DPYSL3: variants seen among roughly 807,000 people sequenced by gnomAD.
DPYSL3 encodes the protein dihydropyrimidinase like 3.
In DPYSL3, 16 loss-of-function variants were observed where a neutral mutation model predicts 66.1. The ratio of observed to expected loss-of-function variants is 0.24; its 90% CI spans 0.16 to 0.37. The LOEUF is 0.37. Ranked by LOEUF, DPYSL3 falls within the 10% of genes least tolerant of loss-of-function variation. The pLI is 1.00. For missense variants in DPYSL3, 738 were observed against 916.2 expected (o/e 0.81, Z 2.51); for synonymous variants, 338 against 345.1 (o/e 0.98, Z 0.23).
At chr5:147,418,670 G>T (rs566333412) in intron 2 of DPYSL3, 39 bp from the exon 3 acceptor site, 4 of 1,523,900 alleles carry the variant, frequency 2.6e-6, no homozygotes, top group Non-Finnish European at 3.5e-6. Context: ...TCAAACACTT[G>T]GTCATTTAAA....
At chr5:147,452,654 C>T (rs895557799) in intron 1 of DPYSL3, among the ~76,000 whole-genome samples, 1 of 152,138 alleles carries the variant, frequency 6.6e-6, no homozygotes, top group African/African-American at 2.4e-5. Context: ...GGTGAAGACG[C>T]GGCTTCTGTA....
At chr5:147,469,556 A>C (rs1753055610) in intron 1 of DPYSL3, among the ~76,000 whole-genome samples, 1 of 152,234 alleles carries the variant, frequency 6.6e-6, no homozygotes, top group Admixed American at 6.5e-5. Context: ...TAATCAGATT[A>C]ATTAAAATAT....
intron 1 of DPYSL3, among the ~76,000 whole-genome samples, chr5:147,430,735 C>A (rs1441769313): frequency 6.6e-6 from 1 of 152,072 alleles, no homozygotes. Context: ...TTTTCCTCCC[C>A]TAGTCTTCAA....
At chr5:147,460,057 G>GC (rs1752910007) in intron 1 of DPYSL3, among the ~76,000 whole-genome samples, 1 of 151,936 alleles carries the variant, frequency 6.6e-6, no homozygotes, top group Non-Finnish European at 1.5e-5. Flanking sequence ...CTTACAGTGA[G>GC]CCAGGATCGA....
At chr5:147,409,558 G>T (rs1198985385) in intron 6 of DPYSL3, among the ~76,000 whole-genome samples, 1 of 152,220 alleles carries the variant, frequency 6.6e-6, no homozygotes, top group Non-Finnish European at 1.5e-5. Context: ...CAGAAGAAGT[G>T]CATGTCCCTT....
chr5:147,453,086 G>C (rs2126398052), intron 1 of DPYSL3, among the ~76,000 whole-genome samples: 1 of 152,178 alleles, frequency 6.6e-6, no homozygotes, highest in East Asian at 1.9e-4. Context: ...CAGAGCCGTG[G>C]GGCTGGAGCT....
At chr5:147,489,561 C>T (rs373032823) in intron 1 of DPYSL3, among the ~76,000 whole-genome samples, 1 of 152,254 alleles carries the variant, frequency 6.6e-6, no homozygotes, top group East Asian at 1.9e-4. Context: ...AAAATAAGTA[C>T]TCCATAAATG....
At chr5:147,460,264 TACTATAG>T (rs1752913941) in intron 1 of DPYSL3, among the ~76,000 whole-genome samples, 1 of 152,190 alleles carries the variant, frequency 6.6e-6, no homozygotes, top group Non-Finnish European at 1.5e-5. Context: ...TGGGGAGAGA[TACTATAG>T]TCTGATGAAC....
rs1758308584 is a variant in DPYSL3 at position 147,405,683 on chromosome 5, G to T, written c.1080C>A (p.Thr360=). The T allele has an allele frequency of 2.5e-6, 4 of 1,614,098 alleles. No individual in the cohort carries two copies. Among genetic ancestry groups the T allele is most frequent in the Non-Finnish European group, 3.4e-6 (4 of 1,179,990 alleles). ...VFRAITIASQ[T]NCPLYVTKVM... ...CCTTTGTGACGTAGAGAGGGCAATTGGTTTGGCTGGCAATGGTGATGGCAC... is the reference window on the plus strand; with the variant it reads ...CCTTTGTGACGTAGAGAGGGCAATTTGTTTGGCTGGCAATGGTGATGGCAC... Residue 360 remains threonine (T), a synonymous_variant, in exon 8 of 14, where the codon ACC becomes ACA. Transcript: ENST00000343218.
rs1757806889 is a variant in DPYSL3 at position 147,391,613 on chromosome 5, T to C, written c.*2422A>G. ...ATTCGAAGAGGGCCGGGACTCACCA[T>C]TGTTTTCTTTTCCTAAACCTTTTGT... On this transcript the variant is annotated 3_prime_UTR_variant, in exon 14 of 14. Coordinates refer to ENST00000343218, the MANE Select transcript of DPYSL3 (RefSeq NM_001197294.2). 6.6e-6 allele frequency: 1 copy of C among 152,240 alleles called. No individual in the cohort carries two copies. The highest frequency in any genetic ancestry group is 2.4e-5 in the African/African-American group (1 of 41,458). 9.4% of individuals were successfully genotyped at this position (152,240 alleles called of 1,614,324 possible). A position where few individuals can be genotyped will look rare whatever the true frequency, so the allele number is the denominator to read the frequency against.
chr5:147,456,659 C>A (rs368749652), intron 1 of DPYSL3, among the ~76,000 whole-genome samples: 1 of 139,522 alleles, frequency 7.2e-6, no homozygotes, highest in Non-Finnish European at 1.5e-5. Context: ...GGGGTGATCT[C>A]GGCTCACAGC....
At chr5:147,502,758 A>T (rs146096266) in intron 1 of DPYSL3, among the ~76,000 whole-genome samples, 1,745 of 151,938 alleles carry the variant, frequency 0.011, 67 homozygotes, top group East Asian at 0.09. Flanking sequence ...TTGTATTTTT[A>T]GTAGAGACGA....
chr5:147,479,200 A>C (rs1753202914), intron 1 of DPYSL3, among the ~76,000 whole-genome samples: 1 of 152,222 alleles, frequency 6.6e-6, no homozygotes, highest in South Asian at 2.1e-4. Flanking sequence ...TATGATACAC[A>C]TACAATTACT....
intron 13 of DPYSL3, 85 bp downstream of exon 13, chr5:147,395,474 A>G (rs1021958960): frequency 8.7e-6 from 13 of 1,497,420 alleles, no homozygotes; most frequent in Non-Finnish European, 1.1e-5. Context: ...CTTCAGGTTG[A>G]GTTCTGAGGA....
intron 1 of DPYSL3, among the ~76,000 whole-genome samples, chr5:147,466,310 A>T (rs1197282039): frequency 6.6e-6 from 1 of 152,122 alleles, no homozygotes; most frequent in Non-Finnish European, 1.5e-5. Context: ...GTTATTTAGG[A>T]ATTGGAGAAT....
chr5:147,480,119 A>G (rs1753213521), intron 1 of DPYSL3, among the ~76,000 whole-genome samples: 1 of 152,174 alleles, frequency 6.6e-6, no homozygotes, highest in African/African-American at 2.4e-5. Flanking sequence ...TTCTGCAAAC[A>G]GAAGGCAGCA....
At chr5:147,398,536 A>C (rs1415446965) in intron 11 of DPYSL3, among the ~76,000 whole-genome samples, 1 of 152,216 alleles carries the variant, frequency 6.6e-6, no homozygotes, top group Non-Finnish European at 1.5e-5. Context: ...AATATTAACT[A>C]TTTTTAACAA....
intron 1 of DPYSL3, among the ~76,000 whole-genome samples, chr5:147,436,419 T>C: frequency 6.6e-6 from 1 of 152,172 alleles, no homozygotes; most frequent in East Asian, 1.9e-4. Flanking sequence ...AAACAAAAAA[T>C]GCTGTATGTA....
At position 147,418,616 on chromosome 5, in the gene DPYSL3, A is replaced by G; in HGVS notation, c.486T>C (p.Asn162=). The part of the protein sequence containing the change: ...EDGLIKQIGD[N]LIVPGGVKTI... ...TCTTCACTCCTCCAGGAACAATCAG[A>G]TTGTCTCCAATTTGTCTGGTGAAAC... is the stretch of plus-strand genomic sequence containing the variant. The change falls in exon 3 of 14, where the codon AAT becomes AAC. Residue 162 remains asparagine (N), a synonymous_variant. Transcript: ENST00000343218. The G allele has an allele frequency of 6.3e-7, 1 of 1,575,546 alleles. No individual in the cohort carries two copies.
Sources: allele counts gnomAD v4.1 joint callset (sites outside exome capture counted in the v4.1 genomes callset), GRCh38; gene constraint gnomAD v4.1.1; transcripts MANE v1.5; gene names NCBI Gene and HGNC (gene_info 2026-07-23, HGNC 2026-07-21).